Variants in CFAP418 observed in about 807,000 individuals in gnomAD.
The protein encoded by CFAP418 is cilia and flagella associated protein 418.
CFAP418 carries 27 observed loss-of-function variants against 24.7 expected under a neutral mutation model. The observed-to-expected ratio is 1.09, with a 90% confidence interval of 0.81 to 1.51. The LOEUF is 1.51. Ranked by LOEUF, CFAP418 falls within the 40% of genes most tolerant of loss-of-function variation. The pLI, the probability that CFAP418 is intolerant of heterozygous loss-of-function variation, is 0.00. For synonymous variants in CFAP418, 74 were observed against 87.3 expected, an observed-to-expected ratio of 0.85 and a Z score of 0.85; for missense variants, 257 against 255.2, an observed-to-expected ratio of 1.01 and a Z score of -0.05.
chr8:95,267,765 G>A (rs1049276677), intron 1 of CFAP418, among the ~76,000 whole-genome samples: 7 of 152,104 alleles, frequency 4.6e-5, no homozygotes, highest in Non-Finnish European at 5.9e-5. Context: ...TTGATCCAAA[G>A]TTGCCTCCGT....
In CFAP418 at chr8:95,245,845, C is replaced by A. The variant is rs1015436235; in HGVS notation, c.*1772G>T. 2 of 152,238 alleles carry A rather than the reference C, an allele frequency of 1.3e-5. No homozygotes were observed. The highest frequency in any genetic ancestry group is 2.9e-5 in the Non-Finnish European group (2 of 68,018). 9.4% of individuals were successfully genotyped at this position (152,238 alleles called of 1,614,324 possible). A position where few individuals can be genotyped will look rare whatever the true frequency, so the allele number is the denominator to read the frequency against. The stretch of plus-strand genomic sequence containing the variant: ...ATAATGTGTCAAATTCTATGAGGTT[C>A]TAAATGTGTGGATCTTGTTGCTCTG... On this transcript the variant is annotated 3_prime_UTR_variant, in exon 6 of 6. Coordinates refer to ENST00000286688, the MANE Select transcript of CFAP418 (RefSeq NM_177965.4).
chr8:95,256,271 T>C (rs920090972), intron 4 of CFAP418, among the ~76,000 whole-genome samples: 3 of 152,238 alleles, frequency 2.0e-5, no homozygotes, highest in Admixed American at 6.5e-5. Flanking sequence ...TGTAATTATA[T>C]GTATTTCCTG....
intron 4 of CFAP418, 82 bp downstream of exon 4, chr8:95,259,758 A>G: frequency 1.0e-6 from 1 of 963,282 alleles, no homozygotes; most frequent in Admixed American, 2.2e-5. Context: ...ATTGATGTGA[A>G]GATGATAACT....
At chr8:95,247,941 C>T (rs1224486080) in intron 5 of CFAP418, among the ~76,000 whole-genome samples, 171 bp from the exon 6 acceptor site, 2 of 152,034 alleles carry the variant, frequency 1.3e-5, no homozygotes, top group Admixed American at 6.6e-5. Context: ...GCAGCCTTGA[C>T]CTCCCAGGCT....
intron 5 of CFAP418, among the ~76,000 whole-genome samples, chr8:95,250,991 A>G (rs1237872523): frequency 6.6e-6 from 1 of 152,232 alleles, no homozygotes; most frequent in Admixed American, 6.5e-5. Flanking sequence ...CTGCAATATT[A>G]CACTGTATTA....
At chr8:95,250,444 G>T (rs964652793) in intron 5 of CFAP418, among the ~76,000 whole-genome samples, 1 of 152,148 alleles carries the variant, frequency 6.6e-6, no homozygotes, top group Non-Finnish European at 1.5e-5. Flanking sequence ...CTCAAGTACC[G>T]ACTAGGTTAT....
rs111662618 is a variant in CFAP418 at position 95,269,146 on chromosome 8, T to C, written c.44A>G (p.Lys15Arg). 5 of 1,614,008 alleles carry C rather than the reference T, an allele frequency of 3.1e-6. No homozygotes were observed. The Admixed American group carries it at 6.7e-5, about 22-fold the overall frequency. ...TCTTAGAAGGTCAGGTGTGCAAAAC[T>C]TGGACTCGACTTCATCCAAGAGCTC... ...LDELLDEVESKFCTPDLLRRG... is the reference protein window; with the variant it reads ...LDELLDEVESRFCTPDLLRRG... Residue 15 changes from lysine to arginine, a missense_variant, in exon 1 of 6, where the codon AAG (lysine) becomes AGG (arginine). Physicochemically the swap from Lys to Arg is conservative, Grantham distance 26. Coordinates refer to ENST00000286688, the MANE Select transcript of CFAP418 (RefSeq NM_177965.4).
intron 5 of CFAP418, among the ~76,000 whole-genome samples, chr8:95,250,195 G>A (rs115094500): frequency 0.053 from 8,005 of 152,254 alleles, 287 homozygotes; most frequent in Non-Finnish European, 0.074. Context: ...GGTGGAGACC[G>A]CCTTATTCTT....
intron 1 of CFAP418, among the ~76,000 whole-genome samples, chr8:95,267,007 C>T (rs1251958057): frequency 6.6e-6 from 1 of 152,112 alleles, no homozygotes; most frequent in Non-Finnish European, 1.5e-5. Context: ...TAGTTCTATC[C>T]CCTAGAAGGA....
chr8:95,245,989 T>C lies in CFAP418; in HGVS notation c.*1628A>G, dbSNP rs937969592. The C allele has an allele frequency of 6.7e-6, 1 of 149,632 alleles. No individual in the cohort carries two copies. The highest frequency in any genetic ancestry group is 1.5e-5 in the Non-Finnish European group (1 of 67,166). 9.3% of individuals were successfully genotyped at this position (149,632 alleles called of 1,614,324 possible). On this transcript the variant is annotated 3_prime_UTR_variant, in exon 6 of 6. Coordinates refer to ENST00000286688, the MANE Select transcript of CFAP418 (RefSeq NM_177965.4). Reference sequence around the variant, plus strand: ...TATTAAAAGATAAAATCTGTCATAATGTCTTTTTTTTTTTTTTGAGACAGA... The same window carrying C: ...TATTAAAAGATAAAATCTGTCATAACGTCTTTTTTTTTTTTTTGAGACAGA...
Position 95,269,190 on chromosome 8 carries a change from C to G in CFAP418, c.-1G>C, listed in dbSNP as rs1298864640. The G allele has an allele frequency of 6.2e-7, 1 of 1,613,938 alleles. No homozygotes were observed. The highest frequency in any genetic ancestry group is 8.5e-7 in the Non-Finnish European group (1 of 1,179,912). On this transcript the variant is annotated 5_prime_UTR_variant, in exon 1 of 6. Coordinates refer to ENST00000286688, the MANE Select transcript of CFAP418 (RefSeq NM_177965.4). ...AGAGCTCGTCCAGGTCCTCCGCCAT[C>G]TTGAATCGCCTGGCCTTTTCCCCTC...
At chr8:95,262,482 C>G (rs1003146237) in intron 2 of CFAP418, among the ~76,000 whole-genome samples, 1 of 151,918 alleles carries the variant, frequency 6.6e-6, no homozygotes, top group South Asian at 2.1e-4. Flanking sequence ...AAAACAAAAC[C>G]CTGGTACTAT....
At chr8:95,250,216 A>G (rs13252268) in intron 5 of CFAP418, among the ~76,000 whole-genome samples, 10,358 of 152,320 alleles carry the variant, frequency 0.068, 423 homozygotes, top group Non-Finnish European at 0.087. Flanking sequence ...TAGCTGTTCC[A>G]TTCTCTTATC....
At chr8:95,262,285 C>G (rs1488095920) in intron 2 of CFAP418, among the ~76,000 whole-genome samples, 1 of 152,158 alleles carries the variant, frequency 6.6e-6, no homozygotes, top group Non-Finnish European at 1.5e-5. Flanking sequence ...TATTATTCAA[C>G]TTGGCATGTG....
intron 5 of CFAP418, among the ~76,000 whole-genome samples, chr8:95,251,641 G>C (rs1811711154): frequency 6.6e-6 from 1 of 152,198 alleles, no homozygotes; most frequent in Admixed American, 6.5e-5. Context: ...AGAAAAACCA[G>C]TGAGGAGGTT....
chr8:95,249,721 T>C (rs1429129788), intron 5 of CFAP418, among the ~76,000 whole-genome samples: 1 of 152,118 alleles, frequency 6.6e-6, no homozygotes, highest in Non-Finnish European at 1.5e-5. Context: ...ATCTGTAAAA[T>C]AGGACAATAA....
At chr8:95,259,943 A>C in intron 3 of CFAP418, 38 bp from the exon 4 acceptor site, 1 of 1,516,508 alleles carries the variant, frequency 6.6e-7, no homozygotes. Flanking sequence ...ATGAAGTTAT[A>C]ACAAAAAATA....
intron 5 of CFAP418, among the ~76,000 whole-genome samples, chr8:95,251,974 G>C (rs1050655007): frequency 2.6e-5 from 4 of 152,072 alleles, no homozygotes; most frequent in Admixed American, 1.3e-4. Context: ...CTAGGTGATA[G>C]GAATTTTTCA....
chr8:95,257,810 T>C (rs1250226502), intron 4 of CFAP418, among the ~76,000 whole-genome samples: 1 of 152,208 alleles, frequency 6.6e-6, no homozygotes, highest in Non-Finnish European at 1.5e-5. Flanking sequence ...ACTTTTACTA[T>C]GCTATACTTT....
Sources: allele counts gnomAD v4.1 joint callset (sites outside exome capture counted in the v4.1 genomes callset), GRCh38; gene constraint gnomAD v4.1.1; transcripts MANE v1.5; gene names NCBI Gene and HGNC (gene_info 2026-07-23, HGNC 2026-07-21).